The following TNFAIP8L1 variants were observed in gnomAD, a reference collection of about 807,000 sequenced individuals.
TNFAIP8L1 encodes tumor necrosis factor alpha-induced protein 8-like protein 1.
For missense variants in TNFAIP8L1, 225 were observed against 266.1 expected (o/e 0.85, Z 1.08); for synonymous variants, 127 against 125.6 (o/e 1.01, Z -0.08).
rs535275996 is a variant in TNFAIP8L1, at chr19:4,655,293, A to T, written c.*2863A>T. 1 of 152,354 alleles carries T rather than the reference A, an allele frequency of 6.6e-6. No individual in the cohort carries two copies. The highest frequency in any genetic ancestry group is 2.1e-4 in the South Asian group (1 of 4,830). The allele number at this position is 152,354 out of a possible 1,614,324, so 9.4% of individuals were successfully genotyped here. ...AAAAAGCCAAAGGCCTTGGCCAGAG[A>T]GCCAGCTGTTCCTACCTCTACCCCA... On this transcript the variant is annotated 3_prime_UTR_variant, in exon 2 of 2. Transcript: ENST00000327473.
rs2088383894 is a variant in TNFAIP8L1 at position 4,652,884 on chromosome 19, C to T, written c.*454C>T. The stretch of plus-strand genomic sequence containing the variant: ...CGGCACCCCCCCTTCCATAAACTCA[C>T]GTCCTAACCCCCAGGACCTCAGAAG... On this transcript the variant is annotated 3_prime_UTR_variant, in exon 2 of 2. Coordinates refer to ENST00000327473, the MANE Select transcript of TNFAIP8L1 (RefSeq NM_152362.3). 1.7e-5 allele frequency: 3 copies of T among 181,816 alleles called. No individual in the cohort carries two copies. Among genetic ancestry groups the T allele is most frequent in the South Asian group, 2.0e-4 (1 of 5,070 alleles). The allele number at this position is 181,816 out of a possible 1,614,324, so 11.3% of individuals were successfully genotyped here.
chr19:4,648,399 G>T (rs765073330), intron 1 of TNFAIP8L1, among the ~76,000 whole-genome samples: 2 of 152,234 alleles, frequency 1.3e-5, no homozygotes, highest in Admixed American at 6.5e-5. Flanking sequence ...TGGGAGAGCA[G>T]TCATCCTCCT....
chr19:4,648,267 A>T (rs2088330211), intron 1 of TNFAIP8L1, among the ~76,000 whole-genome samples: 1 of 152,208 alleles, frequency 6.6e-6, no homozygotes, highest in African/African-American at 2.4e-5. Flanking sequence ...TTGGAGGGCG[A>T]TGCCCCTAGG....
At chr19:4,648,511 G>A (rs1415449291) in intron 1 of TNFAIP8L1, among the ~76,000 whole-genome samples, 7 of 152,346 alleles carry the variant, frequency 4.6e-5, no homozygotes, top group South Asian at 4.1e-4. Flanking sequence ...AGCAGGTCCC[G>A]GGGCTGCCCC....
In TNFAIP8L1 at chr19:4,653,464, T is replaced by G. The variant is rs116388380; in HGVS notation, c.*1034T>G. ...GACCCTCGTCTCTACAAAAAAAAAA[T>G]TATCGTGGTGGGCCGGGCGTGGTGG... On this transcript the variant is annotated 3_prime_UTR_variant, in exon 2 of 2. Coordinates refer to ENST00000327473, the MANE Select transcript of TNFAIP8L1 (RefSeq NM_152362.3). The G allele has an allele frequency of 6.2e-6, 1 of 160,828 alleles. No individual in the cohort carries two copies. Among genetic ancestry groups the G allele is most frequent in the Non-Finnish European group, 1.5e-5 (1 of 66,280 alleles). 10.0% of individuals were successfully genotyped at this position (160,828 alleles called of 1,614,324 possible). A position where few individuals can be genotyped will look rare whatever the true frequency, so the allele number is the denominator to read the frequency against.
rs1290650900 is a variant in TNFAIP8L1 at position 4,654,998 on chromosome 19, A to C, written c.*2568A>C. 1 of 152,190 alleles carries C rather than the reference A, an allele frequency of 6.6e-6. No homozygotes were observed. The highest frequency in any genetic ancestry group is 1.5e-5 in the Non-Finnish European group (1 of 68,028). 9.4% of individuals were successfully genotyped at this position (152,190 alleles called of 1,614,324 possible). On this transcript the variant is annotated 3_prime_UTR_variant, in exon 2 of 2. Coordinates refer to ENST00000327473, the MANE Select transcript of TNFAIP8L1 (RefSeq NM_152362.3). ...AAGGTAGGTCTAGCTGGCTCCATTCAGTATTTGAGACATTTGGAATTTGTC... is the reference window on the plus strand; with the variant it reads ...AAGGTAGGTCTAGCTGGCTCCATTCCGTATTTGAGACATTTGGAATTTGTC...
At chr19:4,647,202 T>G (rs2088319892) in intron 1 of TNFAIP8L1, among the ~76,000 whole-genome samples, 1 of 152,236 alleles carries the variant, frequency 6.6e-6, no homozygotes, top group Admixed American at 6.5e-5. Flanking sequence ...AACAAGTGTT[T>G]GCGTGGTGTA....
Position 4,639,573 on chromosome 19 carries a change from G to T in TNFAIP8L1, c.-60G>T, listed in dbSNP as rs1431527897. On this transcript the variant is annotated 5_prime_UTR_variant, in exon 1 of 2. Transcript: ENST00000327473. ...CGCCGCGGCAACGGCCCCGGCCCACGGAGGCGGCTGGACGGACCCCCGACG... is the reference window on the plus strand; with the variant it reads ...CGCCGCGGCAACGGCCCCGGCCCACTGAGGCGGCTGGACGGACCCCCGACG... 1 of 152,614 alleles carries T rather than the reference G, an allele frequency of 6.6e-6. No individual in the cohort carries two copies. The highest frequency in any genetic ancestry group is 2.4e-5 in the African/African-American group (1 of 41,410). 9.5% of individuals were successfully genotyped at this position (152,614 alleles called of 1,614,324 possible).
chr19:4,652,811 G>C lies in TNFAIP8L1; in HGVS notation c.*381G>C, dbSNP rs958794654. On this transcript the variant is annotated 3_prime_UTR_variant, in exon 2 of 2. Coordinates refer to ENST00000327473, the MANE Select transcript of TNFAIP8L1 (RefSeq NM_152362.3). ...TTTTCATCCCTCGCACAAGGACTAC[G>C]GGTTCACACGGTGAACTGGGGGAAG... The C allele has an allele frequency of 4.4e-6, 1 of 229,146 alleles. No individual in the cohort carries two copies. The allele number at this position is 229,146 out of a possible 1,614,324, so 14.2% of individuals were successfully genotyped here. A position where few individuals can be genotyped will look rare whatever the true frequency, so the allele number is the denominator to read the frequency against.
intron 1 of TNFAIP8L1, among the ~76,000 whole-genome samples, chr19:4,643,594 G>A (rs2088282895): frequency 6.6e-6 from 1 of 152,370 alleles, no homozygotes; most frequent in East Asian, 1.9e-4. Context: ...AACAACTGAT[G>A]TCACCCCCAA....
At chr19:4,649,377 G>A (rs72977942) in intron 1 of TNFAIP8L1, among the ~76,000 whole-genome samples, 23,506 of 151,928 alleles carry the variant, frequency 0.15, 1,964 homozygotes, top group Middle Eastern at 0.28. Context: ...GGGGCATTGC[G>A]GTTTGGTCAC....
intron 1 of TNFAIP8L1, among the ~76,000 whole-genome samples, chr19:4,642,749 G>A (rs1197468358): frequency 6.6e-6 from 1 of 151,170 alleles, no homozygotes; most frequent in Non-Finnish European, 1.5e-5. Context: ...AGGGAGGAGG[G>A]GAGGGCAGGG....
intron 1 of TNFAIP8L1, among the ~76,000 whole-genome samples, chr19:4,648,670 A>G (rs1022369097): frequency 6.6e-6 from 1 of 152,144 alleles, no homozygotes; most frequent in Non-Finnish European, 1.5e-5. Flanking sequence ...CCCGTCCGGA[A>G]TCAACTTCTT....
rs1009815556 is a variant in TNFAIP8L1, at chr19:4,645,721, A to C, written c.-4+6092A>C. Among the ~76,000 whole-genome samples, 1 of 151,882 alleles carries C rather than the reference A, an allele frequency of 6.6e-6. No homozygotes were observed. The highest frequency in any genetic ancestry group is 1.5e-5 in the Non-Finnish European group (1 of 67,912). ...GGATCCGTCTCAAAAAAAAAAAAAA[A>C]AAGGAATATAGGGAGCAGGGGAAGA... On this transcript the variant is annotated intron_variant, in intron 1 of 1. Coordinates refer to ENST00000327473, the MANE Select transcript of TNFAIP8L1 (RefSeq NM_152362.3). This position sits in a 1 kb window ranked among gnomAD's most constrained non-coding sequence, Gnocchi z 4.1.
chr19:4,651,345 T>A (rs1326775908), intron 1 of TNFAIP8L1, among the ~76,000 whole-genome samples: 1 of 151,868 alleles, frequency 6.6e-6, no homozygotes. Flanking sequence ...AAAATAAAAT[T>A]TTTGATTTTT....
chr19:4,646,363 T>C (rs757434923), intron 1 of TNFAIP8L1, among the ~76,000 whole-genome samples: 2 of 151,360 alleles, frequency 1.3e-5, no homozygotes, highest in Admixed American at 6.6e-5. Flanking sequence ...CTGGCCTCAA[T>C]TGATCCTCCT....
rs573046072 is a variant in TNFAIP8L1 at position 4,642,806 on chromosome 19, C to T, written c.-4+3177C>T. 6.6e-5 allele frequency among the ~76,000 whole-genome samples: 10 copies of T among 152,092 alleles called. No homozygotes were observed. In the South Asian group the frequency reaches 1.5e-3, roughly 22 times the overall value. On this transcript the variant is annotated intron_variant, in intron 1 of 1. Coordinates refer to ENST00000327473, the MANE Select transcript of TNFAIP8L1 (RefSeq NM_152362.3). Reference sequence around the variant, plus strand: ...AGGATCTTATGGGCTGCCAGGAATACTTGGCTTTGACCCCAAGGGAGGTGG... The same window carrying T: ...AGGATCTTATGGGCTGCCAGGAATATTTGGCTTTGACCCCAAGGGAGGTGG...
In TNFAIP8L1 at chr19:4,652,461, G is replaced by A. The variant is rs546508030; in HGVS notation, c.*31G>A. ...GGCGCCGCCCAACCGCGCCCCTCGC[G>A]CCTTTTGGGGCTCTCCTGCTGGGCG... is the stretch of plus-strand genomic sequence containing the variant. On this transcript the variant is annotated 3_prime_UTR_variant, in exon 2 of 2. Transcript: ENST00000327473. 32 of 1,475,400 alleles carry A rather than the reference G, an allele frequency of 2.2e-5. No individual in the cohort carries two copies. The Admixed American group carries it at 5.8e-4, about 27-fold the overall frequency. The allele number at this position is 1,475,400 out of a possible 1,614,324, so 91.4% of individuals were successfully genotyped here.
intron 1 of TNFAIP8L1, among the ~76,000 whole-genome samples, chr19:4,650,878 G>A (rs1201767281): frequency 1.3e-5 from 2 of 152,160 alleles, no homozygotes; most frequent in Admixed American, 6.5e-5. Context: ...CAGCTACTCC[G>A]GAGGCTGAGG....
Sources: allele counts gnomAD v4.1 joint callset (sites outside exome capture counted in the v4.1 genomes callset), GRCh38; gene constraint gnomAD v4.1.1; non-coding constraint Gnocchi (gnomAD v3.1); transcripts MANE v1.5; gene names NCBI Gene and HGNC (gene_info 2026-07-23, HGNC 2026-07-21).